PTPRD: variants seen among roughly 807,000 people sequenced by gnomAD.
PTPRD encodes protein tyrosine phosphatase receptor type D.
A neutral mutation model predicts 214.5 loss-of-function variants in PTPRD; 34 were observed. The ratio of observed to expected loss-of-function variants is 0.16; its 90% confidence interval spans 0.12 to 0.21. The LOEUF is 0.21. Ranked by LOEUF, PTPRD falls within the 10% of genes least tolerant of loss-of-function variation. The probability of loss-of-function intolerance (pLI) is 1.00; values close to 1 mark genes in which losing one functional copy is unlikely to be tolerated. For missense variants in PTPRD, 2,545 were observed against 2,398.7 expected, an observed-to-expected ratio of 1.06 and a Z score of -1.27; for synonymous variants, 1,128 against 845.7, an observed-to-expected ratio of 1.33 and a Z score of -5.79.
chr9:9,026,519 A>T (rs559125449), intron 10 of PTPRD, among the ~76,000 whole-genome samples: 48 of 152,114 alleles, frequency 3.2e-4, no homozygotes, highest in Non-Finnish European at 4.6e-4. Flanking sequence ...ACAGCAAGGT[A>T]GTCATGGAGT....
chr9:8,659,921 A>G (rs747595995), intron 12 of PTPRD, among the ~76,000 whole-genome samples: 3 of 152,192 alleles, frequency 2.0e-5, no homozygotes, highest in Non-Finnish European at 4.4e-5. Context: ...ATGAAGAATA[A>G]ATGTAGAGAG....
chr9:9,433,226 C>A (rs901804593), intron 8 of PTPRD, among the ~76,000 whole-genome samples: 1 of 152,014 alleles, frequency 6.6e-6, no homozygotes, highest in African/African-American at 2.4e-5. Context: ...CTCGAGATGC[C>A]GATACACTTA....
At chr9:8,630,688 T>C (rs1056315932) in intron 14 of PTPRD, among the ~76,000 whole-genome samples, 4 of 151,882 alleles carry the variant, frequency 2.6e-5, no homozygotes, top group African/African-American at 9.7e-5. Context: ...GATGTTCACA[T>C]AGAAAGTTGA....
intron 7 of PTPRD, among the ~76,000 whole-genome samples, chr9:9,575,815 T>C (rs1231372866): frequency 6.8e-6 from 1 of 147,864 alleles, no homozygotes; most frequent in Non-Finnish European, 1.5e-5. Context: ...GAGCCCTTTG[T>C]AAAAGTTTTC....
intron 2 of PTPRD, among the ~76,000 whole-genome samples, chr9:10,494,377 G>A (rs573858880): frequency 1.8e-4 from 28 of 151,630 alleles, no homozygotes; most frequent in African/African-American, 6.3e-4. Context: ...TCTAATTTCT[G>A]TCAACACAAT....
chr9:9,628,829 C>T (rs1593470906), intron 7 of PTPRD, among the ~76,000 whole-genome samples: 1 of 151,672 alleles, frequency 6.6e-6, no homozygotes, highest in Admixed American at 6.6e-5. Context: ...ATTTGATGTA[C>T]ATCAAATATA....
chr9:10,208,217 A>G (rs1406466065), intron 3 of PTPRD, among the ~76,000 whole-genome samples: 1 of 151,898 alleles, frequency 6.6e-6, no homozygotes, highest in Non-Finnish European at 1.5e-5. Flanking sequence ...GTAGTGAGGT[A>G]TAAGACTGAA....
intron 8 of PTPRD, among the ~76,000 whole-genome samples, chr9:9,434,522 G>T (rs1473747701): frequency 3.9e-5 from 6 of 152,034 alleles, no homozygotes; most frequent in Admixed American, 3.9e-4. Flanking sequence ...GAAAAATAAG[G>T]TTCTGAAGTT....
intron 5 of PTPRD, among the ~76,000 whole-genome samples, chr9:9,910,838 CTG>C (rs1404300296): frequency 6.6e-6 from 1 of 151,988 alleles, no homozygotes; most frequent in Non-Finnish European, 1.5e-5. Flanking sequence ...ACTTGGAAAA[CTG>C]AGAAGTTCTG....
At chr9:10,404,429 GTTC>G (rs1349266481) in intron 2 of PTPRD, among the ~76,000 whole-genome samples, 3 of 151,704 alleles carry the variant, frequency 2.0e-5, no homozygotes, top group East Asian at 3.9e-4. Context: ...TATTGTATCA[GTTC>G]TTATTTGTAT....
At chr9:10,336,144 G>A (rs1022010577) in intron 3 of PTPRD, among the ~76,000 whole-genome samples, 1 of 151,714 alleles carries the variant, frequency 6.6e-6, no homozygotes, top group Non-Finnish European at 1.5e-5. Context: ...TCATACAGAT[G>A]TTTCTAGCAG....
At chr9:9,464,122 CA>C (rs1482287474) in intron 8 of PTPRD, among the ~76,000 whole-genome samples, 3 of 152,192 alleles carry the variant, frequency 2.0e-5, no homozygotes, top group Admixed American at 6.5e-5. Context: ...TCGGCTGCAG[CA>C]CTTTAATAAA....
intron 9 of PTPRD, among the ~76,000 whole-genome samples, chr9:9,244,651 A>T (rs576378652): frequency 6.6e-6 from 1 of 152,308 alleles, no homozygotes; most frequent in South Asian, 2.1e-4. Context: ...ATGGATTAAG[A>T]CTTAAATGTT....
chr9:9,375,143 T>A (rs989526792), intron 9 of PTPRD, among the ~76,000 whole-genome samples: 30 of 152,312 alleles, frequency 2.0e-4, no homozygotes, highest in African/African-American at 6.7e-4. Flanking sequence ...GAAACATTTT[T>A]GTTAATATCA....
At chr9:9,830,766 T>G (rs2054564293) in intron 5 of PTPRD, among the ~76,000 whole-genome samples, 2 of 151,976 alleles carry the variant, frequency 1.3e-5, no homozygotes, top group Admixed American at 1.3e-4. Flanking sequence ...AGAGTAGTCT[T>G]AAGCAGACTT....
intron 3 of PTPRD, among the ~76,000 whole-genome samples, chr9:10,339,172 G>C (rs1482988535): frequency 6.6e-6 from 1 of 151,790 alleles, no homozygotes; most frequent in Non-Finnish European, 1.5e-5. Flanking sequence ...CTCATTAGGA[G>C]AGAAGTTGAT....
At chr9:9,993,372 T>C (rs1479266281) in intron 4 of PTPRD, among the ~76,000 whole-genome samples, 1 of 152,222 alleles carries the variant, frequency 6.6e-6, no homozygotes, top group Non-Finnish European at 1.5e-5. Flanking sequence ...TCGTATGTTT[T>C]TTTGTAATAG....
At chr9:9,495,526 G>T (rs994407885) in intron 8 of PTPRD, among the ~76,000 whole-genome samples, 1 of 151,980 alleles carries the variant, frequency 6.6e-6, no homozygotes, top group Non-Finnish European at 1.5e-5. Flanking sequence ...AGACTCAGTC[G>T]GTAGAGGGAG....
At chr9:8,441,627 T>C (rs2095549483) in intron 34 of PTPRD, among the ~76,000 whole-genome samples, 1 of 152,066 alleles carries the variant, frequency 6.6e-6, no homozygotes, top group South Asian at 2.1e-4. Flanking sequence ...ACAGACTGCA[T>C]GCTTGTATCC....
Sources: allele counts gnomAD v4.1 joint callset (sites outside exome capture counted in the v4.1 genomes callset), GRCh38; gene constraint gnomAD v4.1.1; transcripts MANE v1.5; gene names NCBI Gene and HGNC (gene_info 2026-07-23, HGNC 2026-07-21).